GRIK2: variants seen among roughly 807,000 people sequenced by gnomAD.
The protein encoded by GRIK2 is glutamate ionotropic receptor kainate type subunit 2.
Under a neutral mutation model 100.3 loss-of-function variants are expected in GRIK2, and 32 were observed. That is an observed-to-expected ratio of 0.32 (90% CI 0.24 to 0.43). GRIK2 has a LOEUF of 0.43. Ranked by LOEUF, GRIK2 falls within the 20% of genes least tolerant of loss-of-function variation. GRIK2 has a pLI of 1.00. For missense variants in GRIK2, 843 were observed against 1,114.9 expected, an observed-to-expected ratio of 0.76 and a Z score of 3.47; for synonymous variants, 417 against 389.4, an observed-to-expected ratio of 1.07 and a Z score of -0.83.
chr6:102,045,975 A>G (rs552276989), intron 15 of GRIK2, among the ~76,000 whole-genome samples: 4 of 152,198 alleles, frequency 2.6e-5, no homozygotes, highest in Admixed American at 2.6e-4. Flanking sequence ...TAGCTTTAAG[A>G]GTATTCATAA....
At chr6:102,031,480 T>G (rs1477614993) in intron 14 of GRIK2, among the ~76,000 whole-genome samples, 1 of 151,244 alleles carries the variant, frequency 6.6e-6, no homozygotes, top group Non-Finnish European at 1.5e-5. Context: ...TAATTTCAAC[T>G]TATTTTAGAT....
intron 2 of GRIK2, among the ~76,000 whole-genome samples, chr6:101,451,654 A>C (rs1770689350): frequency 2.1e-5 from 3 of 145,806 alleles, no homozygotes; most frequent in Non-Finnish European, 4.5e-5. Flanking sequence ...GTGAACCTGA[A>C]CAAATTACTA....
At chr6:101,611,246 C>T (rs1230984386) in intron 2 of GRIK2, among the ~76,000 whole-genome samples, 1 of 151,864 alleles carries the variant, frequency 6.6e-6, no homozygotes, top group Non-Finnish European at 1.5e-5. Context: ...GGGGCTATTA[C>T]ACTATTTCCT....
At chr6:101,449,825 A>T (rs1218706835) in intron 2 of GRIK2, among the ~76,000 whole-genome samples, 16 of 151,698 alleles carry the variant, frequency 1.1e-4, no homozygotes, top group Non-Finnish European at 2.2e-4. Context: ...TAATATTTTG[A>T]CACACAAAGG....
chr6:101,434,288 C>T (rs1028742829), intron 2 of GRIK2, among the ~76,000 whole-genome samples: 1 of 152,158 alleles, frequency 6.6e-6, no homozygotes, highest in Non-Finnish European at 1.5e-5. Flanking sequence ...TCTCTGTAAT[C>T]AACCCTAAAG....
intron 7 of GRIK2, among the ~76,000 whole-genome samples, chr6:101,689,872 C>T (rs1056672973): frequency 2.2e-4 from 34 of 152,144 alleles, no homozygotes; most frequent in African/African-American, 8.0e-4. Context: ...TCTTTTCATG[C>T]TCCTAGAGGT....
chr6:101,501,606 G>A (rs1015595872), intron 2 of GRIK2, among the ~76,000 whole-genome samples: 1 of 152,062 alleles, frequency 6.6e-6, no homozygotes, highest in Non-Finnish European at 1.5e-5. Context: ...ATGTCCTACA[G>A]GTTCTGCATC....
intron 7 of GRIK2, among the ~76,000 whole-genome samples, chr6:101,748,765 T>G (rs1776604184): frequency 6.6e-6 from 1 of 152,140 alleles, no homozygotes; most frequent in African/African-American, 2.4e-5. Flanking sequence ...TATATGTACA[T>G]GTATTGACTT....
intron 2 of GRIK2, among the ~76,000 whole-genome samples, chr6:101,588,326 G>T (rs1417549978): frequency 6.6e-6 from 1 of 152,100 alleles, no homozygotes; most frequent in Non-Finnish European, 1.5e-5. Flanking sequence ...GCAGTCACAT[G>T]TGAGAGCTGC....
intron 2 of GRIK2, among the ~76,000 whole-genome samples, chr6:101,568,961 A>G (rs1305911130): frequency 6.6e-6 from 1 of 152,002 alleles, no homozygotes; most frequent in African/African-American, 2.4e-5. Flanking sequence ...CTGTGTTTCA[A>G]CAGACCATTA....
chr6:102,064,046 A>C (rs373351218), intron 16 of GRIK2: 2 of 1,314,560 alleles, frequency 1.5e-6, no homozygotes, highest in African/African-American at 2.9e-5. Context: ...GTTTTTAATA[A>C]TGGTTAGTAT....
intron 7 of GRIK2, among the ~76,000 whole-genome samples, chr6:101,698,563 C>T (rs1467418881): frequency 6.6e-6 from 1 of 152,050 alleles, no homozygotes; most frequent in Non-Finnish European, 1.5e-5. Context: ...TAAACAGACA[C>T]AGATGTTGAA....
intron 14 of GRIK2, among the ~76,000 whole-genome samples, chr6:102,001,747 A>G (rs142852430): frequency 6.6e-6 from 1 of 152,048 alleles, no homozygotes; most frequent in Non-Finnish European, 1.5e-5. Context: ...TACTGTACCT[A>G]AAACTGATAT....
chr6:101,395,223 T>C (rs1224964150), intron 1 of GRIK2, among the ~76,000 whole-genome samples: 1 of 152,330 alleles, frequency 6.6e-6, no homozygotes, highest in Middle Eastern at 3.4e-3. Flanking sequence ...ATGCCATGTA[T>C]AAACAGGCTG....
At chr6:101,593,211 T>C (rs952551806) in intron 2 of GRIK2, among the ~76,000 whole-genome samples, 6 of 151,938 alleles carry the variant, frequency 3.9e-5, no homozygotes, top group East Asian at 3.9e-4. Context: ...AGATCACTGA[T>C]AGATAATTTC....
chr6:101,744,541 T>TATAC (rs1554257098), intron 7 of GRIK2: 1 of 123,116 alleles, frequency 8.1e-6, no homozygotes, highest in African/African-American at 3.3e-5. Context: ...TATATATATA[T>TATAC]ATATATATAT....
In GRIK2 at chr6:102,069,324, A is replaced by G. The variant is rs1433167136; in HGVS notation, c.*813A>G. On this transcript the variant is annotated 3_prime_UTR_variant, in exon 17 of 17. Coordinates refer to ENST00000369134, the MANE Select transcript of GRIK2 (RefSeq NM_021956.5). ...AATAATAATAATAATAATAATAATA[A>G]TAATAATAATAATAAAAGCAGTTGG... The G allele has an allele frequency of 6.8e-6, 1 of 147,770 alleles. No individual in the cohort carries two copies. The highest frequency in any genetic ancestry group is 1.5e-5 in the Non-Finnish European group (1 of 67,064). 9.2% of individuals were successfully genotyped at this position (147,770 alleles called of 1,614,324 possible).
intron 12 of GRIK2, among the ~76,000 whole-genome samples, chr6:101,904,881 T>G (rs1035395761): frequency 2.6e-5 from 4 of 151,584 alleles, no homozygotes; most frequent in African/African-American, 4.8e-5. Flanking sequence ...ATGTAGATTT[T>G]AATTTCATCC....
At chr6:101,635,683 G>A (rs1454853490) in intron 4 of GRIK2, among the ~76,000 whole-genome samples, 4 of 152,138 alleles carry the variant, frequency 2.6e-5, no homozygotes, top group African/African-American at 9.7e-5. Flanking sequence ...ATCAAAAAGT[G>A]GGTGAAGGAT....
Sources: gnomAD v4.1 joint callset for allele counts (sites outside exome capture counted in the v4.1 genomes callset) on GRCh38, gnomAD v4.1.1 for gene constraint, MANE v1.5 for transcripts, NCBI Gene and HGNC (gene_info 2026-07-23, HGNC 2026-07-21) for gene names.